NRG3: variants seen among roughly 807,000 people sequenced by gnomAD.
The protein encoded by NRG3 is neuregulin 3.
Under a neutral mutation model 66.9 loss-of-function variants are expected in NRG3, and 31 were observed. That is an observed-to-expected ratio of 0.46 (90% CI 0.35 to 0.63). NRG3 has a LOEUF of 0.63. Among genes scored for constraint, NRG3 ranks in the 20% least tolerant of loss-of-function variants. The pLI, the probability that NRG3 is intolerant of heterozygous loss-of-function variation, is 0.00. For synonymous variants in NRG3, 393 were observed against 359.4 expected, an observed-to-expected ratio of 1.09 and a Z score of -1.06; for missense variants, 910 against 878.9, an observed-to-expected ratio of 1.04 and a Z score of -0.45.
At chr10:82,733,499 A>C (rs2058018894) in intron 2 of NRG3, among the ~76,000 whole-genome samples, 1 of 152,230 alleles carries the variant, frequency 6.6e-6, no homozygotes, top group African/African-American at 2.4e-5. Flanking sequence ...TCATGATATT[A>C]ATAAGGAAGA....
chr10:82,855,021 G>A (rs894166508), intron 3 of NRG3, among the ~76,000 whole-genome samples: 6 of 152,090 alleles, frequency 3.9e-5, no homozygotes, highest in African/African-American at 1.4e-4. Context: ...TAGACAGATG[G>A]GCAGGAGAGG....
chr10:82,981,043 C>T (rs148588116), intron 8 of NRG3, among the ~76,000 whole-genome samples: 1 of 152,262 alleles, frequency 6.6e-6, no homozygotes. Flanking sequence ...AAAAACCCAG[C>T]TCATGCTGGC....
intron 2 of NRG3, among the ~76,000 whole-genome samples, chr10:82,678,346 T>C (rs1302338812): frequency 6.6e-6 from 1 of 151,704 alleles, no homozygotes; most frequent in Non-Finnish European, 1.5e-5. Flanking sequence ...TAAAGGAAAA[T>C]TACAGTCAAA....
intron 2 of NRG3, among the ~76,000 whole-genome samples, chr10:82,386,674 T>C (rs1380971799): frequency 2.6e-5 from 4 of 152,232 alleles, no homozygotes; most frequent in Non-Finnish European, 5.9e-5. Context: ...GATCCACTTT[T>C]TCAGAGACAC....
intron 5 of NRG3, among the ~76,000 whole-genome samples, chr10:82,956,822 A>G (rs762624273): frequency 1.3e-5 from 2 of 152,030 alleles, no homozygotes; most frequent in African/African-American, 2.4e-5. Context: ...AAATGCTGAT[A>G]TGATAGATTT....
chr10:82,470,990 G>C lies in NRG3; in HGVS notation c.953+112122G>C, dbSNP rs79625436. On this transcript the variant is annotated intron_variant, in intron 2 of 8. Transcript: ENST00000372141. Reference sequence around the variant, plus strand: ...TCTGCGGCTGTCTTTCTTTTTTGATGGTCCCTGCACCTCTCTGTGCAAGAG... The same window carrying C: ...TCTGCGGCTGTCTTTCTTTTTTGATCGTCCCTGCACCTCTCTGTGCAAGAG... Among the ~76,000 whole-genome samples the C allele has an allele frequency of 3.4e-4, 51 of 152,068 alleles. 1 individual carries two copies. In the East Asian group the frequency reaches 9.7e-3, roughly 29 times the overall value.
chr10:82,048,925 G>C (rs1033340957), intron 1 of NRG3, among the ~76,000 whole-genome samples: 7 of 152,052 alleles, frequency 4.6e-5, no homozygotes, highest in South Asian at 4.1e-4. Flanking sequence ...GATATCACCA[G>C]CGATCCCACA....
chr10:82,898,946 G>A (rs1041332900), intron 4 of NRG3, among the ~76,000 whole-genome samples: 2 of 151,908 alleles, frequency 1.3e-5, no homozygotes, highest in Non-Finnish European at 1.5e-5. Context: ...TCCTGACCTC[G>A]TGATCTGCCT....
chr10:82,168,604 G>T (rs1216720345), intron 1 of NRG3, among the ~76,000 whole-genome samples: 1 of 152,116 alleles, frequency 6.6e-6, no homozygotes, highest in Non-Finnish European at 1.5e-5. Context: ...GTCCTCACCT[G>T]TGAATGATAT....
intron 1 of NRG3, among the ~76,000 whole-genome samples, chr10:81,992,991 G>A (rs1244659431): frequency 2.0e-5 from 3 of 152,132 alleles, no homozygotes. Context: ...ATGTGTTTTA[G>A]AATAGATATT....
chr10:82,250,316 A>T (rs1350299797), intron 1 of NRG3, among the ~76,000 whole-genome samples: 2 of 152,188 alleles, frequency 1.3e-5, no homozygotes, highest in African/African-American at 4.8e-5. Context: ...AGGTATGAAG[A>T]CAGTAGAAAT....
chr10:82,114,889 C>T (rs1367262173), intron 1 of NRG3, among the ~76,000 whole-genome samples: 1 of 152,130 alleles, frequency 6.6e-6, no homozygotes, highest in Non-Finnish European at 1.5e-5. Context: ...CGCAAGTACT[C>T]AACGTGTTTG....
chr10:82,195,587 G>C (rs1589275909), intron 1 of NRG3, among the ~76,000 whole-genome samples: 1 of 152,096 alleles, frequency 6.6e-6, no homozygotes, highest in South Asian at 2.1e-4. Context: ...GTCTGAATAT[G>C]GTGGGAGGAT....
At chr10:82,335,262 G>A (rs1270884560) in intron 1 of NRG3, among the ~76,000 whole-genome samples, 6 of 152,192 alleles carry the variant, frequency 3.9e-5, no homozygotes, top group Admixed American at 3.3e-4. Context: ...CCTAGCCTAA[G>A]GATATAACCA....
Position 82,422,567 on chromosome 10 carries a change from G to A in NRG3, c.953+63699G>A, listed in dbSNP as rs79262495. ...CAGCAATGCTTCTTACTGCCTCAGA[G>A]CCAGAGAAATTGCAAGCAGTGCCTG... is the stretch of plus-strand genomic sequence containing the variant. On this transcript the variant is annotated intron_variant, in intron 2 of 8. Coordinates refer to ENST00000372141, the MANE Select transcript of NRG3 (RefSeq NM_001010848.4). Among the ~76,000 whole-genome samples the A allele has an allele frequency of 5.3e-5, 8 of 152,132 alleles. No homozygotes were observed. In the East Asian group the frequency reaches 1.5e-3, roughly 29 times the overall value.
intron 1 of NRG3, chr10:82,166,774 C>T (rs375619743): frequency 5.8e-5 from 40 of 684,310 alleles, no homozygotes; most frequent in Non-Finnish European, 9.7e-5. Flanking sequence ...GGAGGACTTG[C>T]TTTAACATTT....
At chr10:82,060,287 A>G (rs2064073504) in intron 1 of NRG3, among the ~76,000 whole-genome samples, 1 of 152,258 alleles carries the variant, frequency 6.6e-6, no homozygotes. Flanking sequence ...AATATATGGC[A>G]TGCATGAATG....
At chr10:82,209,595 G>C (rs897405684) in intron 1 of NRG3, among the ~76,000 whole-genome samples, 10 of 152,272 alleles carry the variant, frequency 6.6e-5, no homozygotes, top group Admixed American at 5.2e-4. Flanking sequence ...CACAAGATGA[G>C]GTCTGGCTAT....
intron 5 of NRG3, among the ~76,000 whole-genome samples, chr10:82,957,887 GGT>G (rs1196369597): frequency 9.6e-6 from 1 of 103,880 alleles, no homozygotes; most frequent in Admixed American, 1.3e-4. Flanking sequence ...ACTGCAAAGA[GGT>G]GTGCGTGTGT....
Sources: gnomAD v4.1 joint callset for allele counts (sites outside exome capture counted in the v4.1 genomes callset) on GRCh38, gnomAD v4.1.1 for gene constraint, MANE v1.5 for transcripts, NCBI Gene and HGNC (gene_info 2026-07-23, HGNC 2026-07-21) for gene names.